INSR: variants seen among roughly 807,000 people sequenced by gnomAD.
INSR encodes IR.
In INSR, 67 loss-of-function variants were observed where a neutral mutation model predicts 142.6. The ratio of observed to expected loss-of-function variants is 0.47; its 90% CI spans 0.39 to 0.58. INSR has a LOEUF of 0.58. INSR is among the 20% of genes least tolerant of loss of function. The probability of loss-of-function intolerance (pLI) is 0.00; values close to 1 mark genes in which losing one functional copy is unlikely to be tolerated. For synonymous variants in INSR, 756 were observed against 743.1 expected (o/e 1.02, Z -0.28); for missense variants, 1,248 against 1,833.2 (o/e 0.68, Z 5.83).
chr19:7,270,339 T>TCTCACA (rs1414011806), intron 1 of INSR, among the ~76,000 whole-genome samples: 42 of 120,310 alleles, frequency 3.5e-4, no homozygotes, highest in South Asian at 1.9e-3. Flanking sequence ...TCTCTCTCTC[T>TCTCACA]CACACACACA....
Position 7,243,327 on chromosome 19 carries a change from C to A in INSR, c.652+24018G>T, listed in dbSNP as rs1976427809. Among the ~76,000 whole-genome samples the A allele has an allele frequency of 5.6e-5, 8 of 143,074 alleles. No homozygotes were observed. In the South Asian group the frequency reaches 1.8e-3, roughly 33 times the overall value. 93.9% of individuals were successfully genotyped at this position (143,074 alleles called of 152,430 possible). On this transcript the variant is annotated intron_variant, in intron 2 of 21. Coordinates refer to ENST00000302850, the MANE Select transcript of INSR (RefSeq NM_000208.4). ...GTGGTGCGATCTCGGCTCACTGCAA[C>A]CTCCGCTTCCTGGGTTCAAGTGATT...
chr19:7,134,719 C>A (rs1001894276), intron 13 of INSR, among the ~76,000 whole-genome samples: 2 of 151,744 alleles, frequency 1.3e-5, no homozygotes, highest in Admixed American at 6.6e-5. Flanking sequence ...GAGTCGAGAT[C>A]GTGACACTGC....
chr19:7,288,658 GAAAAAAA>G (rs57281993), intron 1 of INSR, among the ~76,000 whole-genome samples: 7 of 97,122 alleles, frequency 7.2e-5, no homozygotes, highest in South Asian at 8.3e-4. Flanking sequence ...ATAAAAATTG[GAAAAAAA>G]AAAAAAAAAA....
chr19:7,122,536 G>A, intron 19 of INSR, 78 bp downstream of exon 19: 3 of 1,450,932 alleles, frequency 2.1e-6, no homozygotes, highest in East Asian at 2.3e-5. Context: ...AGACTTAACG[G>A]CTCATTATAG....
intron 2 of INSR, among the ~76,000 whole-genome samples, chr19:7,205,752 T>C (rs1051027054): frequency 1.3e-5 from 2 of 152,130 alleles, no homozygotes; most frequent in Non-Finnish European, 2.9e-5. Flanking sequence ...TAGGTGGGCA[T>C]TGTGGTGCAC....
chr19:7,288,373 C>A (rs2145252524), intron 1 of INSR, among the ~76,000 whole-genome samples: 1 of 151,938 alleles, frequency 6.6e-6, no homozygotes, highest in Admixed American at 6.6e-5. Context: ...CATGGTGGTG[C>A]CTGCCTGTGA....
At chr19:7,281,858 C>T (rs1042220689) in intron 1 of INSR, among the ~76,000 whole-genome samples, 1 of 152,144 alleles carries the variant, frequency 6.6e-6, no homozygotes, top group Non-Finnish European at 1.5e-5. Context: ...CTCATGATAG[C>T]ATCCTGCCTT....
rs867227083 is a variant in INSR at position 7,119,875 on chromosome 19, C to G, written c.3660-292G>C. Among the ~76,000 whole-genome samples the G allele has an allele frequency of 6.6e-5, 10 of 151,896 alleles. No individual in the cohort carries two copies. The highest frequency in any genetic ancestry group is 6.8e-3 in the Middle Eastern group (2 of 294). ...ACACGCACACACATGCAAACACACA[C>G]AAACACACATATGCACACACATACA... On this transcript the variant is annotated intron_variant, in intron 20 of 21. Coordinates refer to ENST00000302850, the MANE Select transcript of INSR (RefSeq NM_000208.4). The surrounding 1 kb of genome is among the most constrained non-coding windows in gnomAD (Gnocchi z 5.2).
At chr19:7,197,649 AGTGT>A (rs1215739340) in intron 2 of INSR, among the ~76,000 whole-genome samples, 2 of 81,864 alleles carry the variant, frequency 2.4e-5, no homozygotes, top group African/African-American at 1.0e-4. Flanking sequence ...CCAGAGTGGG[AGTGT>A]GTGTGTGTGT....
chr19:7,196,124 G>A lies in INSR; in HGVS notation c.653-11487C>T, dbSNP rs961923493. On this transcript the variant is annotated intron_variant, in intron 2 of 21. Transcript: ENST00000302850. ...CTAATTTTGTATTTTTAGTAGAGACGGGGCTTCTCCAAGTTGGTCAGGCTG... is the reference window on the plus strand; with the variant it reads ...CTAATTTTGTATTTTTAGTAGAGACAGGGCTTCTCCAAGTTGGTCAGGCTG... 1.1e-4 allele frequency among the ~76,000 whole-genome samples: 17 copies of A among 150,928 alleles called. 2 individuals are homozygous for A. Among genetic ancestry groups the A allele is most frequent in the East Asian group, 9.7e-4 (5 of 5,136 alleles).
chr19:7,226,849 C>A (rs73490744), intron 2 of INSR, among the ~76,000 whole-genome samples: 2,813 of 151,872 alleles, frequency 0.019, 91 homozygotes, highest in African/African-American at 0.063. Context: ...AAAAAAAATT[C>A]TTTAAGCTGA....
At position 7,142,674 on chromosome 19, in the gene INSR, C is replaced by T; in HGVS notation, c.2542+142G>A. 3.9e-6 allele frequency: 4 copies of T among 1,029,276 alleles called. No homozygotes were observed. The South Asian group carries it at 4.2e-5, about 11-fold the overall frequency. The allele number at this position is 1,029,276 out of a possible 1,614,324, so 63.8% of individuals were successfully genotyped here. A position where few individuals can be genotyped will look rare whatever the true frequency, so the allele number is the denominator to read the frequency against. On this transcript the variant is annotated intron_variant, in intron 12 of 21. Coordinates refer to ENST00000302850, the MANE Select transcript of INSR (RefSeq NM_000208.4). ...CACCACTGTACTCCAGCCTGGGCGA[C>T]AGAGCAAGGCTCCGTCTCAAACAAA...
chr19:7,205,747 G>A (rs1975089870), intron 2 of INSR, among the ~76,000 whole-genome samples: 1 of 152,124 alleles, frequency 6.6e-6, no homozygotes, highest in Non-Finnish European at 1.5e-5. Flanking sequence ...AAAATTAGGT[G>A]GGCATTGTGG....
At chr19:7,185,858 A>AAAAAAAAAG (rs1555747112) in intron 2 of INSR, among the ~76,000 whole-genome samples, 1 of 133,976 alleles carries the variant, frequency 7.5e-6, no homozygotes, top group Non-Finnish European at 1.6e-5. Context: ...AAAAAAAAAA[A>AAAAAAAAAG]AGAGAGAGAG....
chr19:7,151,208 CTTTTTCTTTCTCT>C (rs1973348372), intron 10 of INSR, among the ~76,000 whole-genome samples: 1 of 128,672 alleles, frequency 7.8e-6, no homozygotes, highest in African/African-American at 3.2e-5. Flanking sequence ...TTCTTTCTTT[CTTTTTCTTTCTCT>C]CTTCCTTCCT....
At chr19:7,142,389 C>CAAAAAAAAAAAAAAAAAAAA (rs34453877) in intron 12 of INSR, among the ~76,000 whole-genome samples, 1 of 42,148 alleles carries the variant, frequency 2.4e-5, no homozygotes, top group Admixed American at 3.4e-4. Context: ...GACTTCATCT[C>CAAAAAAAAAAAAAAAAAAAA]AAAAAAAAAA....
chr19:7,213,683 A>C (rs1267289069), intron 2 of INSR, among the ~76,000 whole-genome samples: 1 of 152,158 alleles, frequency 6.6e-6, no homozygotes, highest in Non-Finnish European at 1.5e-5. Flanking sequence ...GGAAAAGTCA[A>C]ATCACAAGTT....
chr19:7,197,548 A>T (rs1377465538), intron 2 of INSR, among the ~76,000 whole-genome samples: 39 of 50,972 alleles, frequency 7.7e-4, no homozygotes, highest in South Asian at 1.3e-3. Context: ...TGTGTGTGTC[A>T]GGTTCCAGAG....
At chr19:7,241,659 G>T (rs1252024497) in intron 2 of INSR, among the ~76,000 whole-genome samples, 1 of 152,106 alleles carries the variant, frequency 6.6e-6, no homozygotes, top group African/African-American at 2.4e-5. Context: ...GGGCATGGTG[G>T]CACATGCCTG....
Sources: allele counts gnomAD v4.1 joint callset (sites outside exome capture counted in the v4.1 genomes callset), GRCh38; gene constraint gnomAD v4.1.1; non-coding constraint Gnocchi (gnomAD v3.1); transcripts MANE v1.5; gene names NCBI Gene and HGNC (gene_info 2026-07-23, HGNC 2026-07-21).